Variants in NEDD4L observed in about 807,000 individuals in gnomAD.
NEDD4L encodes E3 ubiquitin-protein ligase NEDD4-like.
A neutral mutation model predicts 148.9 loss-of-function variants in NEDD4L; 54 were observed. The ratio of observed to expected loss-of-function variants is 0.36; its 90% confidence interval spans 0.29 to 0.45. The LOEUF is 0.45. NEDD4L is among the 20% of genes least tolerant of loss of function. NEDD4L has a pLI of 1.00. For missense variants in NEDD4L, 856 were observed against 1,233.8 expected, an observed-to-expected ratio of 0.69 and a Z score of 4.59; for synonymous variants, 433 against 440.7, an observed-to-expected ratio of 0.98 and a Z score of 0.22.
chr18:58,390,717 T>C lies in NEDD4L; in HGVS notation c.2727T>C (p.Pro909=). The C allele has an allele frequency of 6.3e-7, 1 of 1,598,332 alleles. No homozygotes were observed. Among genetic ancestry groups the C allele is most frequent in the African/African-American group, 1.3e-5 (1 of 74,864 alleles). The change falls in exon 29 of 31, where the codon CCT becomes CCC. Residue 909 remains proline (P), a synonymous_variant. Coordinates refer to ENST00000400345, the MANE Select transcript of NEDD4L (RefSeq NM_001144967.3). The stretch of plus-strand genomic sequence containing the variant: ...TTGTCACAGGGACATCGCGAGTACC[T>C]ATGAATGGATTTGCCGAACTTTATG... ...LQFVTGTSRV[P]MNGFAELYGS...
In NEDD4L at chr18:58,366,923, G is replaced by GT. The variant is rs1425944665; in HGVS notation, c.2063+696dup. On this transcript the variant is annotated intron_variant, in intron 21 of 30. Transcript: ENST00000400345. The surrounding 1 kb of genome is among the most constrained non-coding windows in gnomAD (Gnocchi z 4.2). The stretch of plus-strand genomic sequence containing the variant: ...TGGGTTCCCCCACATCTCCCACCTG[G>GT]TACCAGTCTCCTGGGGGCTCATTTG... Among the ~76,000 whole-genome samples, 1 of 152,172 alleles carries GT rather than the reference G, an allele frequency of 6.6e-6. No individual in the cohort carries two copies. The highest frequency in any genetic ancestry group is 1.5e-5 in the Non-Finnish European group (1 of 68,020).
intron 5 of NEDD4L, among the ~76,000 whole-genome samples, chr18:58,276,553 A>G (rs2052047895): frequency 6.6e-6 from 1 of 152,014 alleles, no homozygotes; most frequent in Non-Finnish European, 1.5e-5. Flanking sequence ...TGGTGACTTA[A>G]CTTTTCTGAA....
rs537767200 is a variant in NEDD4L at position 58,072,687 on chromosome 18, C to G, written c.48+27979C>G. Among the ~76,000 whole-genome samples the G allele has an allele frequency of 2.6e-5, 4 of 152,264 alleles. No individual in the cohort carries two copies. In the East Asian group the frequency reaches 7.7e-4, roughly 29 times the overall value. ...TGAGTGAGACAAGGATAGTCATTCTCACCACTTCTATGTAGCATTGTACTG... is the reference window on the plus strand; with the variant it reads ...TGAGTGAGACAAGGATAGTCATTCTGACCACTTCTATGTAGCATTGTACTG... On this transcript the variant is annotated intron_variant, in intron 1 of 30. Coordinates refer to ENST00000400345, the MANE Select transcript of NEDD4L (RefSeq NM_001144967.3).
chr18:58,174,120 T>C (rs2037826893), intron 2 of NEDD4L, among the ~76,000 whole-genome samples: 2 of 151,500 alleles, frequency 1.3e-5, no homozygotes, highest in African/African-American at 4.9e-5. Flanking sequence ...ATGCTGGACA[T>C]TGAGGGTGAG....
chr18:58,146,884 C>T (rs1408577377), intron 1 of NEDD4L, among the ~76,000 whole-genome samples: 2 of 148,502 alleles, frequency 1.3e-5, no homozygotes, highest in Non-Finnish European at 3.0e-5. Flanking sequence ...TCATTTTGCG[C>T]TGGGCCTGGA....
At chr18:58,162,741 G>T (rs1034982999) in intron 1 of NEDD4L, among the ~76,000 whole-genome samples, 1 of 151,900 alleles carries the variant, frequency 6.6e-6, no homozygotes, top group East Asian at 1.9e-4. Flanking sequence ...TGTCATTACA[G>T]GTTCTCTATG....
chr18:58,149,038 A>G (rs1468035851), intron 1 of NEDD4L, among the ~76,000 whole-genome samples: 1 of 152,184 alleles, frequency 6.6e-6, no homozygotes, highest in African/African-American at 2.4e-5. Flanking sequence ...GGTTTTGGAG[A>G]TGCTCACAGC....
intron 1 of NEDD4L, chr18:58,046,888 A>G (rs886878356): frequency 1.3e-5 from 2 of 152,166 alleles, no homozygotes; most frequent in African/African-American, 4.8e-5. Flanking sequence ...TCCTTTTTCA[A>G]CTTTCTCCTA....
chr18:58,367,238 T>C (rs1387660055), intron 21 of NEDD4L: 1 of 152,560 alleles, frequency 6.6e-6, no homozygotes, highest in Non-Finnish European at 1.5e-5. Flanking sequence ...TTTGCATCAT[T>C]GAGAGAGCCA....
rs771263533 is a variant in NEDD4L, at chr18:58,348,326, C to CTTTTTTTTTTTTTTTTTTTTTTTTT, written c.1576-1188_1576-1187insTTTTTTTTTTTTTTTTTTTTTTTTT. Among the ~76,000 whole-genome samples, 22 of 88,672 alleles carry CTTTTTTTTTTTTTTTTTTTTTTTTT rather than the reference C, an allele frequency of 2.5e-4. 1 individual carries two copies. The highest frequency in any genetic ancestry group is 5.9e-4 in the African/African-American group (11 of 18,518). The allele number at this position is 88,672 out of a possible 152,430, so 58.2% of individuals were successfully genotyped here. A position where few individuals can be genotyped will look rare whatever the true frequency, so the allele number is the denominator to read the frequency against. ...CACTGCATTTCTTTTTCTTTTTTTT[C>CTTTTTTTTTTTTTTTTTTTTTTTTT]TTTTTTTTTTTTTTTTTTTTTTTGA... On this transcript the variant is annotated intron_variant, in intron 16 of 30. Transcript: ENST00000400345.
chr18:58,296,778 C>T (rs1416996153), intron 5 of NEDD4L, among the ~76,000 whole-genome samples: 10 of 152,138 alleles, frequency 6.6e-5, no homozygotes, highest in Non-Finnish European at 1.2e-4. Context: ...AAAAATTAGC[C>T]GGGCGTGGTG....
At chr18:58,373,764 T>C (rs1347755011) in intron 24 of NEDD4L, among the ~76,000 whole-genome samples, 1 of 152,238 alleles carries the variant, frequency 6.6e-6, no homozygotes, top group African/African-American at 2.4e-5. Context: ...CACGCTGTTA[T>C]TCAGGCTGGA....
chr18:58,342,955 A>C lies in NEDD4L; in HGVS notation c.1427A>C (p.Asn476Thr), dbSNP rs2042612993. The change falls in exon 16 of 31, where the codon AAC (asparagine) becomes ACC (threonine). Residue 476 changes from asparagine to threonine, a missense_variant. Transcript: ENST00000400345. Reference protein sequence around the residue: ...VRRAVKDTLSNPQSPQPSPYN... With the variant: ...VRRAVKDTLSTPQSPQPSPYN... ...CGGGCTGTGAAAGACACCCTTTCCA[A>C]CCCACAGTCCCCACAGCCATCACCT... 6.2e-7 allele frequency: 1 copy of C among 1,612,920 alleles called. No individual in the cohort carries two copies. Among genetic ancestry groups the C allele is most frequent in the African/African-American group, 1.3e-5 (1 of 74,854 alleles).
intron 1 of NEDD4L, among the ~76,000 whole-genome samples, chr18:58,109,980 G>T (rs75436296): frequency 6.6e-6 from 1 of 152,158 alleles, no homozygotes; most frequent in African/African-American, 2.4e-5. Context: ...TGGAAGGCAG[G>T]GTTGTTGAGG....
At chr18:58,076,069 T>C (rs561403864) in intron 1 of NEDD4L, among the ~76,000 whole-genome samples, 3 of 152,212 alleles carry the variant, frequency 2.0e-5, no homozygotes, top group Admixed American at 2.0e-4. Flanking sequence ...TTGATAAATA[T>C]AGTGAACTAG....
chr18:58,103,552 G>A (rs2084898410), intron 1 of NEDD4L, among the ~76,000 whole-genome samples: 1 of 152,182 alleles, frequency 6.6e-6, no homozygotes, highest in Admixed American at 6.5e-5. Context: ...TGATTGGTCA[G>A]TGCACATGTT....
chr18:58,328,890 T>G, intron 9 of NEDD4L, 105 bp from the exon 10 acceptor site: 1 of 1,290,610 alleles, frequency 7.7e-7, no homozygotes, highest in Admixed American at 1.9e-5. Context: ...TGTTTGACGC[T>G]GACACTTTAG....
chr18:58,265,844 A>G (rs2050146182), intron 5 of NEDD4L, among the ~76,000 whole-genome samples: 1 of 152,116 alleles, frequency 6.6e-6, no homozygotes, highest in Non-Finnish European at 1.5e-5. Context: ...GTTTACAGGC[A>G]TGAGACACTG....
intron 1 of NEDD4L, among the ~76,000 whole-genome samples, chr18:58,100,742 A>G (rs1272148551): frequency 6.6e-6 from 1 of 152,220 alleles, no homozygotes; most frequent in African/African-American, 2.4e-5. Flanking sequence ...ATTAATGGAA[A>G]TGGATATTGG....
Sources: allele counts gnomAD v4.1 joint callset (sites outside exome capture counted in the v4.1 genomes callset), GRCh38; gene constraint gnomAD v4.1.1; non-coding constraint Gnocchi (gnomAD v3.1); transcripts MANE v1.5; gene names NCBI Gene and HGNC (gene_info 2026-07-23, HGNC 2026-07-21).